VAV3: variants seen among roughly 807,000 people sequenced by gnomAD.
VAV3 encodes the protein guanine nucleotide exchange factor VAV3.
A neutral mutation model predicts 131.2 loss-of-function variants in VAV3; 94 were observed. That is an observed-to-expected ratio of 0.72 (90% confidence interval 0.61 to 0.85). The LOEUF is 0.85. VAV3 is among the 40% of genes least tolerant of loss of function. The probability of loss-of-function intolerance (pLI) is 0.00; values close to 1 mark genes in which losing one functional copy is unlikely to be tolerated. For synonymous variants in VAV3, 349 were observed against 342.0 expected, an observed-to-expected ratio of 1.02 and a Z score of -0.22; for missense variants, 939 against 1,002.7, an observed-to-expected ratio of 0.94 and a Z score of 0.86.
chr1:107,863,908 A>G (rs1453325203), intron 2 of VAV3, among the ~76,000 whole-genome samples: 1 of 152,198 alleles, frequency 6.6e-6, no homozygotes, highest in Non-Finnish European at 1.5e-5. Context: ...TGATATCTTT[A>G]TCATGCTTTT....
chr1:107,596,277 A>C lies in VAV3; in HGVS notation c.2285T>G (p.Leu762Arg), dbSNP rs1203196715. 6.2e-7 allele frequency: 1 copy of C among 1,613,656 alleles called. No homozygotes were observed. Among genetic ancestry groups the C allele is most frequent in the South Asian group, 1.1e-5 (1 of 91,058 alleles). Residue 762 changes from leucine to arginine, a missense_variant, in exon 25 of 27, where the codon CTG becomes CGG. Leu to Arg is a moderately radical substitution (Grantham distance 102). Transcript: ENST00000370056. The stretch of plus-strand genomic sequence containing the variant: ...TTCTGGCTCCTTGTATGGAAACTGC[A>C]GAGTTGTATCTAAGGTTCTGAACCC... ...KEGFRTLDTT[L>R]QFPYKEPEHS... is the part of the protein sequence containing the mutation.
intron 20 of VAV3, among the ~76,000 whole-genome samples, chr1:107,630,222 C>T (rs1654350723): frequency 6.6e-6 from 1 of 152,110 alleles, no homozygotes; most frequent in African/African-American, 2.4e-5. Context: ...TGGAGGCCTC[C>T]AGGTTAGAAA....
At chr1:107,955,004 A>C (rs1674739175) in intron 1 of VAV3, among the ~76,000 whole-genome samples, 1 of 152,236 alleles carries the variant, frequency 6.6e-6, no homozygotes. Context: ...AATGCATGGA[A>C]AGCTTTAGTA....
At chr1:107,808,102 C>A (rs1667148100) in intron 2 of VAV3, among the ~76,000 whole-genome samples, 1 of 152,118 alleles carries the variant, frequency 6.6e-6, no homozygotes, top group Non-Finnish European at 1.5e-5. Context: ...AATTAAGTCT[C>A]AAAACAAAGA....
At chr1:107,934,254 T>C (rs930719974) in intron 1 of VAV3, among the ~76,000 whole-genome samples, 2 of 152,186 alleles carry the variant, frequency 1.3e-5, no homozygotes, top group Non-Finnish European at 2.9e-5. Context: ...AACCCAAGAC[T>C]TTCCTGGATG....
In VAV3 at chr1:107,873,082, TTCTAAACCACAATC is replaced by T. The variant is rs1353042607; in HGVS notation, c.321+1805_321+1818del. 2.0e-5 allele frequency among the ~76,000 whole-genome samples: 3 copies of T among 152,308 alleles called. 1 individual carries two copies. The East Asian group carries it at 5.8e-4, about 29-fold the overall frequency. ...TAAGTGACTATAATGTAGGTTCAAG[TTCTAAACCACAATC>T]TCATGTTTAATTCTGTTTCAGATCT... is the stretch of plus-strand genomic sequence containing the variant. On this transcript the variant is annotated intron_variant, in intron 2 of 26. Coordinates refer to ENST00000370056, the MANE Select transcript of VAV3 (RefSeq NM_006113.5).
chr1:107,880,554 A>C (rs188772076), intron 1 of VAV3, among the ~76,000 whole-genome samples: 29 of 152,224 alleles, frequency 1.9e-4, no homozygotes, highest in Middle Eastern at 6.8e-3. Flanking sequence ...CCAACACTTC[A>C]GGAGGCCGAG....
intron 23 of VAV3, among the ~76,000 whole-genome samples, 158 bp from the exon 24 acceptor site, chr1:107,602,642 A>G (rs971572209): frequency 4.6e-5 from 7 of 152,160 alleles, no homozygotes; most frequent in Non-Finnish European, 8.8e-5. Flanking sequence ...TTAACAAAAT[A>G]TATTTACTGG....
At chr1:107,747,660 A>G (rs900028531) in intron 15 of VAV3, among the ~76,000 whole-genome samples, 4 of 152,280 alleles carry the variant, frequency 2.6e-5, no homozygotes, top group Admixed American at 6.5e-5. Flanking sequence ...GCTGATACAT[A>G]TTACCTAGAA....
intron 20 of VAV3, among the ~76,000 whole-genome samples, chr1:107,637,122 T>A (rs912291543): frequency 2.6e-5 from 4 of 151,976 alleles, no homozygotes; most frequent in Non-Finnish European, 5.9e-5. Context: ...ATTACTGATA[T>A]CGGGAATGAG....
At chr1:107,902,480 CCT>C (rs751578843) in intron 1 of VAV3, among the ~76,000 whole-genome samples, 10 of 152,128 alleles carry the variant, frequency 6.6e-5, no homozygotes, top group Admixed American at 2.6e-4. Context: ...GGTACCATCC[CCT>C]GTTTTCTGCC....
chr1:107,713,490 A>G (rs1452555867), intron 15 of VAV3, among the ~76,000 whole-genome samples: 1 of 152,146 alleles, frequency 6.6e-6, no homozygotes, highest in Admixed American at 6.5e-5. Flanking sequence ...GAACATCCCA[A>G]TTGGAAAAAT....
At chr1:107,911,117 TC>T (rs1364379839) in intron 1 of VAV3, among the ~76,000 whole-genome samples, 10 of 152,204 alleles carry the variant, frequency 6.6e-5, no homozygotes, top group Admixed American at 3.9e-4. Context: ...TCCCTTCGCC[TC>T]CCAACTTCTA....
intron 21 of VAV3, among the ~76,000 whole-genome samples, chr1:107,615,148 G>T (rs746155164): frequency 2.0e-5 from 3 of 151,986 alleles, no homozygotes; most frequent in Non-Finnish European, 4.4e-5. Flanking sequence ...ACAGAATAAA[G>T]AGCCCAGAAA....
chr1:107,668,952 T>G, intron 19 of VAV3: 1 of 990,464 alleles, frequency 1.0e-6, no homozygotes, highest in Non-Finnish European at 1.2e-6. Context: ...TTGAATTCTC[T>G]TCAACTCTTT....
intron 20 of VAV3, among the ~76,000 whole-genome samples, chr1:107,631,534 A>T (rs1361494212): frequency 2.0e-5 from 3 of 151,570 alleles, no homozygotes; most frequent in African/African-American, 4.8e-5. Flanking sequence ...TGTACAGGTT[A>T]GTTACATATG....
At chr1:107,706,314 G>C (rs975701176) in intron 15 of VAV3, among the ~76,000 whole-genome samples, 7 of 152,158 alleles carry the variant, frequency 4.6e-5, no homozygotes, top group Non-Finnish European at 8.8e-5. Flanking sequence ...TGAGGTACCA[G>C]GAGATGCCTT....
At chr1:107,635,506 A>G (rs1654852405) in intron 20 of VAV3, among the ~76,000 whole-genome samples, 1 of 151,648 alleles carries the variant, frequency 6.6e-6, no homozygotes, top group Non-Finnish European at 1.5e-5. Context: ...GCATTAGGAA[A>G]TACACCTAAT....
chr1:107,869,146 A>C (rs146150123), intron 2 of VAV3, among the ~76,000 whole-genome samples: 3 of 152,188 alleles, frequency 2.0e-5, no homozygotes, highest in African/African-American at 7.2e-5. Context: ...TTCCTGAACC[A>C]TCACTATGTG....
Sources: allele counts gnomAD v4.1 joint callset (sites outside exome capture counted in the v4.1 genomes callset), GRCh38; gene constraint gnomAD v4.1.1; transcripts MANE v1.5; gene names NCBI Gene and HGNC (gene_info 2026-07-23, HGNC 2026-07-21).